The following KLF13 variants were observed in gnomAD, a reference collection of about 807,000 sequenced individuals.
KLF13 encodes the protein Krueppel-like factor 13.
In KLF13, 8 loss-of-function variants were observed where a neutral mutation model predicts 16.7. The observed-to-expected ratio is 0.48, with a 90% CI of 0.28 to 0.87. KLF13 has a LOEUF of 0.87. KLF13 is among the 40% of genes least tolerant of loss of function. The probability of loss-of-function intolerance (pLI) is 0.10; values close to 1 mark genes in which losing one functional copy is unlikely to be tolerated. For synonymous variants in KLF13, 245 were observed against 208.4 expected (o/e 1.18, Z -1.51); for missense variants, 447 against 452.2 (o/e 0.99, Z 0.10).
intron 1 of KLF13, among the ~76,000 whole-genome samples, chr15:31,328,207 C>T (rs893234165): frequency 1.9e-4 from 29 of 150,768 alleles, no homozygotes; most frequent in African/African-American, 6.6e-4. Context: ...TCTCCGGGGT[C>T]CCTCCTCGTT....
intron 1 of KLF13, among the ~76,000 whole-genome samples, chr15:31,423,725 A>C (rs2040371180): frequency 6.6e-6 from 1 of 152,198 alleles, no homozygotes; most frequent in African/African-American, 2.4e-5. Flanking sequence ...GTTCTCTCAA[A>C]CTCACATGGA....
intron 1 of KLF13, among the ~76,000 whole-genome samples, chr15:31,342,690 C>T (rs1407364512): frequency 2.6e-5 from 4 of 152,156 alleles, no homozygotes; most frequent in Non-Finnish European, 5.9e-5. Context: ...GGGCCATCTG[C>T]GGATATATGT....
chr15:31,383,703 A>T (rs1311251288), intron 1 of KLF13, among the ~76,000 whole-genome samples: 2 of 152,132 alleles, frequency 1.3e-5, no homozygotes, highest in African/African-American at 4.8e-5. Flanking sequence ...GATCGAGACC[A>T]TCCTGGCTAA....
At chr15:31,382,126 T>G (rs1331686830), downstream of KLF13, among the ~76,000 whole-genome samples, 1 of 152,208 alleles carries the variant, frequency 6.6e-6, no homozygotes, top group Non-Finnish European at 1.5e-5. Context: ...AGGCCAGGCC[T>G]CCACTCTCAC....
chr15:31,412,719 A>G (rs2040209513), intron 1 of KLF13, among the ~76,000 whole-genome samples: 1 of 152,164 alleles, frequency 6.6e-6, no homozygotes, highest in East Asian at 1.9e-4. Context: ...GCCCGATTGG[A>G]GACGAAGGCC....
chr15:31,375,821 T>C lies in KLF13; in HGVS notation c.*3522T>C, dbSNP rs1031570631. 12 of 152,222 alleles carry C rather than the reference T, an allele frequency of 7.9e-5. No homozygotes were observed. The highest frequency in any genetic ancestry group is 2.9e-4 in the African/African-American group (12 of 41,424). 9.4% of individuals were successfully genotyped at this position (152,222 alleles called of 1,614,324 possible). On this transcript the variant is annotated 3_prime_UTR_variant, in exon 2 of 2. Coordinates refer to ENST00000307145, the MANE Select transcript of KLF13 (RefSeq NM_015995.4). ...AGAGATGTCCTGGATGGGAACATGG[T>C]CCTGGAGGTGCCCTACCTGCATCCT...
chr15:31,428,783 A>G (rs2040430469), intron 1 of KLF13, among the ~76,000 whole-genome samples: 1 of 138,176 alleles, frequency 7.2e-6, no homozygotes, highest in African/African-American at 2.7e-5. Context: ...GGCCTGGGCG[A>G]AAGAGTGAGA....
At chr15:31,354,848 T>C (rs1166740260) in intron 1 of KLF13, among the ~76,000 whole-genome samples, 2 of 152,064 alleles carry the variant, frequency 1.3e-5, no homozygotes, top group African/African-American at 4.8e-5. Context: ...AGATGCAATA[T>C]CAATTTGTCC....
chr15:31,392,017 G>A (rs1018859730), upstream of KLF13, among the ~76,000 whole-genome samples: 15 of 152,122 alleles, frequency 9.9e-5, no homozygotes, highest in African/African-American at 3.6e-4. Context: ...GCCCGGCCGG[G>A]CCATTCACTG....
rs560333980 is a variant in KLF13, at chr15:31,348,242, G to A, written c.577+20453G>A. Among the ~76,000 whole-genome samples, 274 of 152,270 alleles carry A rather than the reference G, an allele frequency of 1.8e-3. 2 individuals are homozygous for A. Among genetic ancestry groups the A allele is most frequent in the African/African-American group, 5.7e-3 (238 of 41,538 alleles). ...ACTGTGGAAGGTGATGTCTAGAAGAGAGAGCAGGAGCACAGGCGCCCCTCT... is the reference window on the plus strand; with the variant it reads ...ACTGTGGAAGGTGATGTCTAGAAGAAAGAGCAGGAGCACAGGCGCCCCTCT... On this transcript the variant is annotated intron_variant, in intron 1 of 1. Coordinates refer to ENST00000307145, the MANE Select transcript of KLF13 (RefSeq NM_015995.4).
chr15:31,331,211 T>C (rs1269155938), intron 1 of KLF13, among the ~76,000 whole-genome samples: 1 of 152,254 alleles, frequency 6.6e-6, no homozygotes, highest in Non-Finnish European at 1.5e-5. Flanking sequence ...GGGCCCTTTC[T>C]GGGTTCTGGG....
chr15:31,365,480 T>C (rs995117873), intron 1 of KLF13, among the ~76,000 whole-genome samples: 1 of 152,130 alleles, frequency 6.6e-6, no homozygotes, highest in African/African-American at 2.4e-5. Context: ...CGGCAGACGC[T>C]GCTCTGGCCC....
At chr15:31,400,850 G>A (rs1473169380) in intron 2 of KLF13, among the ~76,000 whole-genome samples, 2 of 152,128 alleles carry the variant, frequency 1.3e-5, no homozygotes, top group Non-Finnish European at 2.9e-5. Context: ...GGCTGGATGC[G>A]ATGGCTGTGA....
chr15:31,380,020 G>A (rs183872949), downstream of KLF13, among the ~76,000 whole-genome samples: 46 of 152,276 alleles, frequency 3.0e-4, no homozygotes, highest in Admixed American at 1.9e-3. Flanking sequence ...ACTTCTGGCC[G>A]CGCGCAGTGG....
At chr15:31,409,645 C>T (rs1595505751), downstream of KLF13, among the ~76,000 whole-genome samples, 1 of 152,104 alleles carries the variant, frequency 6.6e-6, no homozygotes, top group East Asian at 1.9e-4. Flanking sequence ...AGAAAAAGGA[C>T]ACGTTACATA....
At chr15:31,391,955 GC>G (rs2039877521), upstream of KLF13, among the ~76,000 whole-genome samples, 1 of 152,128 alleles carries the variant, frequency 6.6e-6, no homozygotes, top group South Asian at 2.1e-4. Flanking sequence ...TCGGAGGGCA[GC>G]CGGGACGGCT....
Position 31,423,112 on chromosome 15 carries a change from C to T in KLF13, n.118-12258C>T, listed in dbSNP as rs1229638352. On this transcript the variant is annotated intron_variant and non_coding_transcript_variant, in intron 1 of 1. Coordinates refer to the KLF13 transcript ENST00000558225. ...ATACGTATATATACGTATACGTATA[C>T]GTATATATACGTATATATACGTATA... 1.1e-4 allele frequency among the ~76,000 whole-genome samples: 13 copies of T among 115,800 alleles called. 1 individual carries two copies. The highest frequency in any genetic ancestry group is 6.3e-4 in the Admixed American group (8 of 12,606). The allele number at this position is 115,800 out of a possible 152,430, so 76.0% of individuals were successfully genotyped here. A position where few individuals can be genotyped will look rare whatever the true frequency, so the allele number is the denominator to read the frequency against.
At chr15:31,388,920 T>C (rs547874158), upstream of KLF13, among the ~76,000 whole-genome samples, 7 of 152,192 alleles carry the variant, frequency 4.6e-5, no homozygotes, top group East Asian at 1.3e-3. Flanking sequence ...TTTGTCGTTA[T>C]TCCCTTCAGT....
chr15:31,415,266 C>T (rs186197496), intron 1 of KLF13, among the ~76,000 whole-genome samples: 1 of 152,184 alleles, frequency 6.6e-6, no homozygotes, highest in Non-Finnish European at 1.5e-5. Flanking sequence ...ATAAATCATC[C>T]AGCCTAAGGT....
Sources: gnomAD v4.1 joint callset for allele counts (sites outside exome capture counted in the v4.1 genomes callset) on GRCh38, gnomAD v4.1.1 for gene constraint, MANE v1.5 for transcripts, NCBI Gene and HGNC (gene_info 2026-07-23, HGNC 2026-07-21) for gene names.